Variants in NMS observed in about 807,000 individuals in gnomAD.
NMS encodes neuromedin S.
Under a neutral mutation model 32.2 loss-of-function variants are expected in NMS, and 30 were observed. The ratio of observed to expected loss-of-function variants is 0.93; its 90% CI spans 0.70 to 1.26. The LOEUF (loss-of-function observed/expected upper bound fraction) is 1.26, where lower values mean the gene tolerates loss of function less well. NMS is among the 50% of genes most tolerant of loss of function. NMS has a pLI of 0.00. For missense variants in NMS, 190 were observed against 186.3 expected (o/e 1.02, Z -0.12); for synonymous variants, 76 against 58.5 (o/e 1.30, Z -1.37).
At chr2:100,478,439 G>A (rs1412391163) in intron 5 of NMS, among the ~76,000 whole-genome samples, 2 of 152,116 alleles carry the variant, frequency 1.3e-5, no homozygotes, top group African/African-American at 2.4e-5. Flanking sequence ...TAGGAATAGG[G>A]CTCAGGTAAG....
rs1481985601 is a variant in NMS at position 100,479,315 on chromosome 2, T to G, written c.262-38T>G. 3.3e-6 allele frequency: 5 copies of G among 1,502,750 alleles called. No individual in the cohort carries two copies. The African/African-American group carries it at 6.9e-5, about 21-fold the overall frequency. 93.1% of individuals were successfully genotyped at this position (1,502,750 alleles called of 1,614,324 possible). On this transcript the variant is annotated intron_variant, in intron 5 of 9. Transcript: ENST00000376865. ...CTCTCAAAATACCCCTCTGTGGATG[T>G]CCCCCTGTCTGACCCTCTCCGCGCC...
chr2:100,475,658 T>C (rs1677095195), intron 3 of NMS, among the ~76,000 whole-genome samples: 1 of 152,014 alleles, frequency 6.6e-6, no homozygotes, highest in South Asian at 2.1e-4. Flanking sequence ...GGAAAATGAA[T>C]AATAAACAAC....
intron 8 of NMS, 38 bp from the exon 9 acceptor site, chr2:100,482,239 G>C (rs922859796): frequency 1.1e-5 from 17 of 1,602,380 alleles, no homozygotes; most frequent in Non-Finnish European, 1.5e-5. Context: ...GCAGAAAGTT[G>C]TGTCTCAGTA....
chr2:100,473,208 T>C (rs1677039077), intron 2 of NMS, among the ~76,000 whole-genome samples: 1 of 152,224 alleles, frequency 6.6e-6, no homozygotes, highest in South Asian at 2.1e-4. Flanking sequence ...GATACTTTCA[T>C]ATAGTGTGTT....
intron 1 of NMS, among the ~76,000 whole-genome samples, chr2:100,472,473 A>G (rs1010215307): frequency 1.3e-5 from 2 of 152,198 alleles, no homozygotes; most frequent in African/African-American, 4.8e-5. Flanking sequence ...ATACAAACTA[A>G]GTTGTTACCT....
At chr2:100,480,319 C>T (rs1677192139) in intron 6 of NMS, among the ~76,000 whole-genome samples, 177 bp from the exon 7 acceptor site, 1 of 152,244 alleles carries the variant, frequency 6.6e-6, no homozygotes, top group African/African-American at 2.4e-5. Context: ...TGAGCAGGAG[C>T]TTGCTAGAGA....
Position 100,470,634 on chromosome 2 carries a change from C to A in NMS, c.76+70C>A. ...ATGTCTGAGACAGACCTTGATCCCCCAGGGCAGCTCTGGAGGGAGTCAAGC... is the reference window on the plus strand; with the variant it reads ...ATGTCTGAGACAGACCTTGATCCCCAAGGGCAGCTCTGGAGGGAGTCAAGC... On this transcript the variant is annotated intron_variant, in intron 1 of 9. Transcript: ENST00000376865. 2.4e-6 allele frequency: 3 copies of A among 1,241,766 alleles called. 1 individual carries two copies. Among genetic ancestry groups the A allele is most frequent in the Non-Finnish European group, 3.6e-6 (3 of 842,376 alleles). 76.9% of individuals were successfully genotyped at this position (1,241,766 alleles called of 1,614,324 possible).
At chr2:100,471,798 G>A (rs1519661) in intron 1 of NMS, among the ~76,000 whole-genome samples, 48,474 of 152,030 alleles carry the variant, frequency 0.32, 8,887 homozygotes, top group African/African-American at 0.5. Context: ...CTTTCTAACC[G>A]TCAGTCTTTA....
intron 6 of NMS, among the ~76,000 whole-genome samples, chr2:100,479,689 C>T (rs1677180034): frequency 1.3e-5 from 2 of 152,332 alleles, no homozygotes; most frequent in South Asian, 4.1e-4. Context: ...TCCTCTTCTG[C>T]TCCTTTCATC....
intron 5 of NMS, 115 bp downstream of exon 5, chr2:100,477,529 G>T (rs1677135656): frequency 1.4e-6 from 1 of 705,808 alleles, no homozygotes. Flanking sequence ...GACATCCTCT[G>T]GGTAGTAGCT....
chr2:100,479,724 CT>C (rs200384744), intron 6 of NMS, among the ~76,000 whole-genome samples: 13 of 151,696 alleles, frequency 8.6e-5, no homozygotes, highest in African/African-American at 2.7e-4. Context: ...TGGTTTTGTA[CT>C]TTTTTTTTCA....
At chr2:100,478,687 C>T (rs1019343384) in intron 5 of NMS, among the ~76,000 whole-genome samples, 80 of 152,240 alleles carry the variant, frequency 5.3e-4, no homozygotes, top group Non-Finnish European at 3.5e-4. Flanking sequence ...TGGTCTTGAA[C>T]TGCTGACCTC....
chr2:100,482,967 C>T (rs1018263064), intron 9 of NMS, among the ~76,000 whole-genome samples: 2 of 152,164 alleles, frequency 1.3e-5, no homozygotes, highest in Non-Finnish European at 2.9e-5. Context: ...CAGTCCAAGG[C>T]GTCTAAGAAA....
In NMS at chr2:100,473,549, T is replaced by A. The variant is rs545103533; in HGVS notation, c.183+10T>A. 98 of 1,187,094 alleles carry A rather than the reference T, an allele frequency of 8.3e-5. No individual in the cohort carries two copies. The African/African-American group carries it at 1.2e-3, about 14-fold the overall frequency. The allele number at this position is 1,187,094 out of a possible 1,614,324, so 73.5% of individuals were successfully genotyped here. On this transcript the variant is annotated intron_variant, in intron 3 of 9. Transcript: ENST00000376865. ...TTCTCGCCAACCTAAGGTAAAAAAA[T>A]GTGTATATATATAATATATATAAAA... is the stretch of plus-strand genomic sequence containing the variant.
In NMS at chr2:100,482,422, T is replaced by C. The variant is rs969421611; in HGVS notation, c.449+111T>C. ...ATGGGGAGGACCATTGTTCAAGAAA[T>C]GAGGACCCTTCATAACCCCCAGGAA... On this transcript the variant is annotated intron_variant, in intron 9 of 9. Transcript: ENST00000376865. 3 of 1,034,210 alleles carry C rather than the reference T, an allele frequency of 2.9e-6. No homozygotes were observed. In the African/African-American group the frequency reaches 4.8e-5, roughly 16 times the overall value. The allele number at this position is 1,034,210 out of a possible 1,614,324, so 64.1% of individuals were successfully genotyped here.
At position 100,478,700 on chromosome 2, in the gene NMS, G is replaced by T. The variant is rs149371546; in HGVS notation, c.262-653G>T. Among the ~76,000 whole-genome samples the T allele has an allele frequency of 3.3e-3, 508 of 152,312 alleles. 5 individuals are homozygous for T. Among genetic ancestry groups the T allele is most frequent in the African/African-American group, 0.011 (464 of 41,572 alleles). ...GCTGGTCTTGAACTGCTGACCTCAG[G>T]TGATCCACCCACATTGGCCTCCCAA... is the stretch of plus-strand genomic sequence containing the variant. On this transcript the variant is annotated intron_variant, in intron 5 of 9. Transcript: ENST00000376865.
intron 3 of NMS, among the ~76,000 whole-genome samples, chr2:100,475,095 A>G (rs1289999188): frequency 6.6e-6 from 1 of 152,176 alleles, no homozygotes; most frequent in Admixed American, 6.5e-5. Context: ...ACTAGGAATG[A>G]ATTTCCTTCC....
intron 3 of NMS, among the ~76,000 whole-genome samples, chr2:100,476,930 C>T (rs1677121658): frequency 6.6e-6 from 1 of 152,160 alleles, no homozygotes; most frequent in African/African-American, 2.4e-5. Flanking sequence ...GTTTATTCCA[C>T]CTGTAGTCAG....
chr2:100,477,402 A>G lies in NMS; in HGVS notation c.249A>G (p.Pro83=). The change falls in exon 5 of 10, where the codon CCA becomes CCG. Residue 83 remains proline, a synonymous_variant. Transcript: ENST00000376865. The part of the protein sequence containing the change: ...HYSRTQEATH[P]VKTGFPPVHP... ...CCAGAACTCAGGAGGCAACACATCCAGTTAAAACTGGGGTCAGTATTTTAT... is the reference window on the plus strand; with the variant it reads ...CCAGAACTCAGGAGGCAACACATCCGGTTAAAACTGGGGTCAGTATTTTAT... 2 of 1,612,578 alleles carry G rather than the reference A, an allele frequency of 1.2e-6. No homozygotes were observed. Among genetic ancestry groups the G allele is most frequent in the Non-Finnish European group, 1.7e-6 (2 of 1,178,742 alleles).
Sources: allele counts gnomAD v4.1 joint callset (sites outside exome capture counted in the v4.1 genomes callset), GRCh38; gene constraint gnomAD v4.1.1; transcripts MANE v1.5; gene names NCBI Gene and HGNC (gene_info 2026-07-23, HGNC 2026-07-21).